Variants in RAP1GAP2 observed in about 807,000 individuals in gnomAD.
The protein encoded by RAP1GAP2 is rap1 GTPase-activating protein 2.
A neutral mutation model predicts 95.0 loss-of-function variants in RAP1GAP2; 27 were observed. The ratio of observed to expected loss-of-function variants is 0.28; its 90% confidence interval spans 0.21 to 0.39. The LOEUF is 0.39. Ranked by LOEUF, RAP1GAP2 falls within the 10% of genes least tolerant of loss-of-function variation. The probability of loss-of-function intolerance (pLI) is 1.00; values close to 1 mark genes in which losing one functional copy is unlikely to be tolerated. For synonymous variants in RAP1GAP2, 373 were observed against 380.9 expected, an observed-to-expected ratio of 0.98 and a Z score of 0.24; for missense variants, 771 against 970.0, an observed-to-expected ratio of 0.79 and a Z score of 2.72.
chr17:2,971,242 A>T (rs186588755), intron 8 of RAP1GAP2, among the ~76,000 whole-genome samples: 16 of 152,308 alleles, frequency 1.1e-4, no homozygotes, highest in African/African-American at 2.9e-4. Flanking sequence ...ATAATGATTT[A>T]AAAAAACCAC....
chr17:2,800,809 C>G (rs965841967), intron 2 of RAP1GAP2, among the ~76,000 whole-genome samples: 1 of 151,442 alleles, frequency 6.6e-6, no homozygotes, highest in African/African-American at 2.4e-5. Context: ...AACATTCAGT[C>G]CCATTATTCT....
intron 2 of RAP1GAP2, among the ~76,000 whole-genome samples, chr17:2,815,689 C>G (rs373499352): frequency 6.6e-6 from 1 of 152,052 alleles, no homozygotes; most frequent in Non-Finnish European, 1.5e-5. Flanking sequence ...ACCACGTTGA[C>G]CAGGCTGGTC....
chr17:2,893,804 G>T (rs111929307), intron 2 of RAP1GAP2, among the ~76,000 whole-genome samples: 33 of 152,270 alleles, frequency 2.2e-4, no homozygotes, highest in Non-Finnish European at 4.0e-4. Flanking sequence ...GACGGAGTGC[G>T]TTTGAAGGGC....
In RAP1GAP2 at chr17:3,003,548, G is replaced by A. The variant is rs576699083; in HGVS notation, c.1201-1821G>A. Among the ~76,000 whole-genome samples, 14 of 152,240 alleles carry A rather than the reference G, an allele frequency of 9.2e-5. No individual in the cohort carries two copies. Among genetic ancestry groups the A allele is most frequent in the African/African-American group, 1.9e-4 (8 of 41,556 alleles). ...CGCGGCTCCCAGGCCACTCTTGGGC[G>A]TGGGGCCTTTGTCACGTTTGAAGCT... is the stretch of plus-strand genomic sequence containing the variant. On this transcript the variant is annotated intron_variant, in intron 14 of 24. Transcript: ENST00000254695. This position sits in a 1 kb window ranked among gnomAD's most constrained non-coding sequence, Gnocchi z 4.1.
At chr17:2,832,216 G>C (rs12452185) in intron 2 of RAP1GAP2, among the ~76,000 whole-genome samples, 2 of 132,570 alleles carry the variant, frequency 1.5e-5, no homozygotes, top group South Asian at 4.6e-4. Flanking sequence ...AAAAAAAAAA[G>C]AAAACAAAAA....
intron 2 of RAP1GAP2, among the ~76,000 whole-genome samples, chr17:2,808,635 T>TG (rs921544044): frequency 7.2e-5 from 11 of 152,120 alleles, no homozygotes; most frequent in African/African-American, 2.7e-4. Flanking sequence ...CTGGCCGGTG[T>TG]GGCCGCCCTT....
chr17:2,776,823 C>CGGAGGAGGA (rs372983882), upstream of RAP1GAP2, among the ~76,000 whole-genome samples: 924 of 144,068 alleles, frequency 6.4e-3, 4 homozygotes, highest in Non-Finnish European at 1.0e-2. Context: ...CCCGCCGCCC[C>CGGAGGAGGA]GGAGGAGGAG....
intron 3 of RAP1GAP2, among the ~76,000 whole-genome samples, chr17:2,915,700 T>G (rs1012254487): frequency 6.6e-6 from 1 of 151,540 alleles, no homozygotes; most frequent in African/African-American, 2.4e-5. Flanking sequence ...GAAGCTTTAT[T>G]TTTATTTATT....
chr17:2,909,531 T>C (rs746000847), intron 3 of RAP1GAP2, among the ~76,000 whole-genome samples: 13 of 152,124 alleles, frequency 8.5e-5, no homozygotes, highest in Non-Finnish European at 1.6e-4. Context: ...ACAGCAGGGA[T>C]TATTTTTAAC....
chr17:2,868,283 A>G (rs2072697038), intron 2 of RAP1GAP2, among the ~76,000 whole-genome samples: 1 of 152,150 alleles, frequency 6.6e-6, no homozygotes, highest in East Asian at 1.9e-4. Flanking sequence ...GGCCAGGCCC[A>G]GAGGAAGTCT....
In RAP1GAP2 at chr17:2,820,815, G is replaced by A. The variant is rs1301263484; in HGVS notation, c.80+20265G>A. ...CGGCTCACTAAAATCTCCGCCTCCC[G>A]GGTTCAAGCAATTCTCCTGCCTCAG... On this transcript the variant is annotated intron_variant, in intron 2 of 24. Transcript: ENST00000254695. Among the ~76,000 whole-genome samples the A allele has an allele frequency of 5.3e-5, 8 of 150,394 alleles. No homozygotes were observed. In the South Asian group the frequency reaches 1.1e-3, roughly 20 times the overall value.
chr17:3,013,916 C>T (rs2046661087), intron 17 of RAP1GAP2, among the ~76,000 whole-genome samples: 1 of 152,154 alleles, frequency 6.6e-6, no homozygotes, highest in Non-Finnish European at 1.5e-5. Context: ...ATGTGAAGCT[C>T]ATGAGACCAG....
chr17:2,861,761 T>G (rs1217106870), intron 2 of RAP1GAP2, among the ~76,000 whole-genome samples: 1 of 152,134 alleles, frequency 6.6e-6, no homozygotes, highest in Non-Finnish European at 1.5e-5. Context: ...TGCCTCAGCC[T>G]GGGCCCTCCT....
intron 11 of RAP1GAP2, among the ~76,000 whole-genome samples, chr17:2,986,699 T>C (rs1217780462): frequency 6.6e-6 from 1 of 152,128 alleles, no homozygotes; most frequent in African/African-American, 2.4e-5. Context: ...CACTGTGCTG[T>C]GCATGCTGGG....
At chr17:2,957,020 C>T (rs948201992) in intron 3 of RAP1GAP2, among the ~76,000 whole-genome samples, 7 of 150,784 alleles carry the variant, frequency 4.6e-5, no homozygotes, top group Admixed American at 1.3e-4. Flanking sequence ...TCCAGCTACT[C>T]GGGAGGCTGA....
At chr17:2,986,897 G>C (rs8076504) in intron 11 of RAP1GAP2, among the ~76,000 whole-genome samples, 95,564 of 152,098 alleles carry the variant, frequency 0.63, 30,493 homozygotes, top group East Asian at 0.77. Flanking sequence ...CTCTTCCACA[G>C]TCTGGCCTCA....
At chr17:2,991,431 T>A in intron 12 of RAP1GAP2, 34 bp downstream of exon 12, 1 of 1,504,454 alleles carries the variant, frequency 6.6e-7, no homozygotes, top group Non-Finnish European at 9.1e-7. Flanking sequence ...TCCAGCTCCA[T>A]CAACAAGGGC....
At chr17:2,849,189 C>T (rs982816708) in intron 2 of RAP1GAP2, among the ~76,000 whole-genome samples, 4 of 152,256 alleles carry the variant, frequency 2.6e-5, no homozygotes, top group African/African-American at 9.6e-5. Context: ...TAGCTGGGAC[C>T]CTGCCCGTGG....
chr17:2,900,652 G>A (rs1567757924), intron 2 of RAP1GAP2, among the ~76,000 whole-genome samples: 1 of 152,102 alleles, frequency 6.6e-6, no homozygotes, highest in East Asian at 1.9e-4. Context: ...ATGTTGGCCA[G>A]GCTGGTCTCG....
Sources: allele counts gnomAD v4.1 joint callset (sites outside exome capture counted in the v4.1 genomes callset), GRCh38; gene constraint gnomAD v4.1.1; non-coding constraint Gnocchi (gnomAD v3.1); transcripts MANE v1.5; gene names NCBI Gene and HGNC (gene_info 2026-07-23, HGNC 2026-07-21).